The following FARP2 variants were observed in gnomAD, a reference collection of about 807,000 sequenced individuals.
FARP2 encodes the protein FERM, ARH/RhoGEF and pleckstrin domain protein 2, also known as FERM, ARHGEF and pleckstrin domain-containing protein 2.
FARP2 carries 111 observed loss-of-function variants against 130.5 expected under a neutral mutation model. The observed-to-expected ratio is 0.85, with a 90% confidence interval of 0.73 to 1.00. FARP2 has a LOEUF of 1.00. Among genes scored for constraint, FARP2 ranks in the 50% least tolerant of loss-of-function variants. The probability of loss-of-function intolerance (pLI) is 0.00; values close to 1 mark genes in which losing one functional copy is unlikely to be tolerated. For synonymous variants in FARP2, 504 were observed against 516.9 expected (o/e 0.98, Z 0.34); for missense variants, 1,385 against 1,346.3 (o/e 1.03, Z -0.45).
rs535782848 is a variant in FARP2, at chr2:241,359,417, G to A, written c.-25+3029G>A. Among the ~76,000 whole-genome samples the A allele has an allele frequency of 1.8e-4, 27 of 152,202 alleles. 1 individual carries two copies. In the South Asian group the frequency reaches 5.0e-3, roughly 28 times the overall value. ...CTATCCCAGCTGCAAAACCTACTTTGGTATGAGATTCCAACCAGTTGGCCC... is the reference window on the plus strand; with the variant it reads ...CTATCCCAGCTGCAAAACCTACTTTAGTATGAGATTCCAACCAGTTGGCCC... On this transcript the variant is annotated intron_variant, in intron 1 of 26. Transcript: ENST00000264042.
intron 8 of FARP2, among the ~76,000 whole-genome samples, chr2:241,422,260 C>CAAAAAAAAAAAAAAAAAAA (rs1198628886): frequency 2.2e-5 from 2 of 91,978 alleles, no homozygotes; most frequent in Non-Finnish European, 2.2e-5. Context: ...ACTAAAAATA[C>CAAAAAAAAAAAAAAAAAAA]AAAAAAAAAA....
rs1391314513 is a variant in FARP2, at chr2:241,482,546, C to T, written c.2263-919C>T. ...GAGTGAGAGCCACAAGCTTAGTTAC[C>T]GGCCCCATCCAGTTAACGCAAATGC... On this transcript the variant is annotated intron_variant, in intron 19 of 26. Coordinates refer to ENST00000264042, the MANE Select transcript of FARP2 (RefSeq NM_014808.4). The surrounding 1 kb of genome is among the most constrained non-coding windows in gnomAD (Gnocchi z 4.6). Among the ~76,000 whole-genome samples, 2 of 152,188 alleles carry T rather than the reference C, an allele frequency of 1.3e-5. No homozygotes were observed. Among genetic ancestry groups the T allele is most frequent in the African/African-American group, 4.8e-5 (2 of 41,442 alleles).
Position 241,406,799 on chromosome 2 carries a change from T to TTTTA in FARP2, c.332-718_332-715dup, listed in dbSNP as rs553158167. On this transcript the variant is annotated intron_variant, in intron 4 of 26. Transcript: ENST00000264042. Reference sequence around the variant, plus strand: ...TTTTAATGTGCAATTTCCTACTTGTTTTTATTTATTTATTTATTTATTTTT... The same window carrying TTTTA: ...TTTTAATGTGCAATTTCCTACTTGTTTTTATTTATTTATTTATTTATTTATTTTT... Among the ~76,000 whole-genome samples the TTTTA allele has an allele frequency of 4.6e-3, 691 of 150,668 alleles. 4 individuals are homozygous for TTTTA. The highest frequency in any genetic ancestry group is 6.4e-3 in the Non-Finnish European group (431 of 67,780).
chr2:241,491,706 T>C, intron 24 of FARP2, 27 bp downstream of exon 24: 1 of 1,565,778 alleles, frequency 6.4e-7, no homozygotes, highest in South Asian at 1.2e-5. Context: ...ACCACCTCAG[T>C]GCATCTGGAA....
chr2:241,405,096 T>C (rs1410015791), intron 4 of FARP2, among the ~76,000 whole-genome samples: 4 of 152,184 alleles, frequency 2.6e-5, no homozygotes, highest in Admixed American at 2.0e-4. Flanking sequence ...TTTTGGCCAA[T>C]ATGCAAAAAT....
At chr2:241,472,207 C>T (rs1163189434) in intron 18 of FARP2, among the ~76,000 whole-genome samples, 2 of 147,000 alleles carry the variant, frequency 1.4e-5, no homozygotes, top group African/African-American at 5.1e-5. Context: ...TCCATGGGAA[C>T]CCTGTTCTGA....
At chr2:241,378,163 A>G (rs968363633) in intron 2 of FARP2, among the ~76,000 whole-genome samples, 1 of 151,642 alleles carries the variant, frequency 6.6e-6, no homozygotes, top group Non-Finnish European at 1.5e-5. Context: ...GTGCAATGGC[A>G]TGATTTCAGC....
chr2:241,415,989 C>CTCTGTG (rs764755388), intron 7 of FARP2, among the ~76,000 whole-genome samples: 2,358 of 141,714 alleles, frequency 0.017, 44 homozygotes, highest in East Asian at 0.072. Flanking sequence ...CAGGGTAGTT[C>CTCTGTG]TGTGTGTGTG....
intron 2 of FARP2, among the ~76,000 whole-genome samples, chr2:241,377,231 C>T (rs1329113718): frequency 6.6e-6 from 1 of 151,824 alleles, no homozygotes; most frequent in African/African-American, 2.4e-5. Flanking sequence ...CCAGAAAACA[C>T]TGACATTGTG....
At chr2:241,462,648 A>G (rs1401066336) in intron 15 of FARP2, 36 bp downstream of exon 15, 19 of 1,298,378 alleles carry the variant, frequency 1.5e-5, no homozygotes, top group Non-Finnish European at 1.1e-5. Flanking sequence ...TTTTTTTTTA[A>G]AATAAATCTC....
At chr2:241,412,642 A>T (rs538366384) in intron 6 of FARP2, among the ~76,000 whole-genome samples, 3 of 152,358 alleles carry the variant, frequency 2.0e-5, no homozygotes, top group African/African-American at 4.8e-5. Context: ...GAAGGAAAAA[A>T]ATCATTTAAA....
At chr2:241,479,900 C>T (rs1020320921) in intron 19 of FARP2, among the ~76,000 whole-genome samples, 1 of 152,206 alleles carries the variant, frequency 6.6e-6, no homozygotes, top group Non-Finnish European at 1.5e-5. Context: ...TCACAAATGC[C>T]TTTCTCTCAC....
chr2:241,371,937 A>C (rs2150298883), intron 1 of FARP2, among the ~76,000 whole-genome samples: 1 of 152,272 alleles, frequency 6.6e-6, no homozygotes, highest in African/African-American at 2.4e-5. Flanking sequence ...GATCTTCGTT[A>C]AAAACAATGA....
At chr2:241,391,850 TC>T (rs2061913925) in intron 2 of FARP2, among the ~76,000 whole-genome samples, 2 of 152,158 alleles carry the variant, frequency 1.3e-5, no homozygotes, top group Non-Finnish European at 2.9e-5. Context: ...TACCATTGAA[TC>T]GTTCAAGGGC....
intron 5 of FARP2, among the ~76,000 whole-genome samples, chr2:241,409,259 A>G (rs2150359059): frequency 6.6e-6 from 1 of 152,260 alleles, no homozygotes; most frequent in South Asian, 2.1e-4. Flanking sequence ...TTTTCCAAAT[A>G]AAGCTAAGGG....
At chr2:241,464,073 T>C in intron 17 of FARP2, 93 bp downstream of exon 17, 1 of 1,037,280 alleles carries the variant, frequency 9.6e-7, no homozygotes, top group Admixed American at 2.0e-5. Flanking sequence ...CAGCGTCCCC[T>C]CAGAAAAGGG....
At chr2:241,442,905 C>A in intron 13 of FARP2, 1 of 212,024 alleles carries the variant, frequency 4.7e-6, no homozygotes, top group Non-Finnish European at 9.6e-6. Context: ...GTGTATTACA[C>A]TATTGATGCT....
chr2:241,427,760 C>T (rs988362278), intron 8 of FARP2, among the ~76,000 whole-genome samples: 2 of 151,974 alleles, frequency 1.3e-5, no homozygotes, highest in Admixed American at 6.6e-5. Context: ...CCGTGGCAGG[C>T]CCTCGGTTTT....
chr2:241,453,424 C>A (rs943511661), intron 13 of FARP2, among the ~76,000 whole-genome samples: 5 of 152,034 alleles, frequency 3.3e-5, no homozygotes, highest in South Asian at 2.1e-4. Context: ...AGATCGAGAC[C>A]ATCCTGGCTA....
Sources: gnomAD v4.1 joint callset for allele counts (sites outside exome capture counted in the v4.1 genomes callset) on GRCh38, gnomAD v4.1.1 for gene constraint, Gnocchi (gnomAD v3.1) non-coding constraint, MANE v1.5 for transcripts, NCBI Gene and HGNC (gene_info 2026-07-23, HGNC 2026-07-21) for gene names.